The following DKK3 variants were observed in gnomAD, a reference collection of about 807,000 sequenced individuals.
DKK3 encodes the protein dickkopf-related protein 3.
In DKK3, 22 loss-of-function variants were observed where a neutral mutation model predicts 33.2. The ratio of observed to expected loss-of-function variants is 0.66; its 90% CI spans 0.47 to 0.95. The LOEUF (loss-of-function observed/expected upper bound fraction) is 0.95. Ranked by LOEUF, DKK3 falls within the 40% of genes least tolerant of loss-of-function variation. DKK3 has a pLI of 0.00. For missense variants in DKK3, 398 were observed against 458.4 expected, an observed-to-expected ratio of 0.87 and a Z score of 1.20; for synonymous variants, 194 against 188.8, an observed-to-expected ratio of 1.03 and a Z score of -0.23.
intron 2 of DKK3, among the ~76,000 whole-genome samples, chr11:12,000,950 T>C (rs1440316237): frequency 1.3e-5 from 2 of 152,236 alleles, no homozygotes; most frequent in Admixed American, 6.5e-5. Flanking sequence ...TGAACTTTCA[T>C]ATACTTTAGG....
At chr11:11,991,191 A>C (rs543918143) in intron 3 of DKK3, among the ~76,000 whole-genome samples, 1 of 152,226 alleles carries the variant, frequency 6.6e-6, no homozygotes, top group Non-Finnish European at 1.5e-5. Flanking sequence ...GCCCTCTGCC[A>C]AGGAGGGAGA....
chr11:11,994,384 C>T (rs1045837300), intron 3 of DKK3, among the ~76,000 whole-genome samples: 4 of 152,188 alleles, frequency 2.6e-5, no homozygotes, highest in Non-Finnish European at 2.9e-5. Flanking sequence ...ATGCAGGGCT[C>T]GAACCGAGGT....
intron 3 of DKK3, among the ~76,000 whole-genome samples, chr11:11,975,873 C>A (rs1207544823): frequency 2.0e-5 from 3 of 152,174 alleles, no homozygotes; most frequent in South Asian, 2.1e-4. Context: ...CAGGCTTTTG[C>A]GCCCACACCT....
At chr11:12,002,510 AATC>A (rs974192081) in intron 1 of DKK3, 73 bp from the exon 2 acceptor site, 23 of 1,543,504 alleles carry the variant, frequency 1.5e-5, no homozygotes, top group Non-Finnish European at 1.8e-5. Flanking sequence ...AGAAAAAAAA[AATC>A]TCTTTTCCTC....
At chr11:12,005,402 A>G (rs547721025) in intron 1 of DKK3, among the ~76,000 whole-genome samples, 3 of 152,334 alleles carry the variant, frequency 2.0e-5, no homozygotes, top group Admixed American at 6.5e-5. Context: ...TGGCACTTAT[A>G]CTAGAAATAG....
intron 3 of DKK3, among the ~76,000 whole-genome samples, chr11:11,969,065 C>G (rs1307713451): frequency 6.6e-6 from 1 of 152,264 alleles, no homozygotes; most frequent in East Asian, 1.9e-4. Flanking sequence ...GGCTGGACTC[C>G]AGCCCTCCCA....
At chr11:11,966,635 G>A (rs1178413285) in intron 5 of DKK3, among the ~76,000 whole-genome samples, 2 of 152,144 alleles carry the variant, frequency 1.3e-5, no homozygotes, top group Non-Finnish European at 1.5e-5. Context: ...AGTGGAAGCG[G>A]GTGATTCACA....
chr11:12,003,325 TCCTTGCAGAGGGAC>T (rs1848470019), intron 1 of DKK3, among the ~76,000 whole-genome samples: 1 of 152,090 alleles, frequency 6.6e-6, no homozygotes, highest in African/African-American at 2.4e-5. Flanking sequence ...TTGTAGGAAA[TCCTTGCAGAGGGAC>T]CCTTGTAGAG....
intron 6 of DKK3, 164 bp from the exon 7 acceptor site, chr11:11,964,850 A>G: frequency 7.2e-7 from 1 of 1,397,672 alleles, no homozygotes; most frequent in Non-Finnish European, 9.5e-7. Flanking sequence ...CTATCTTAAA[A>G]TGATGGCTGA....
chr11:11,969,653 T>A (rs17463794), intron 3 of DKK3, among the ~76,000 whole-genome samples: 2,891 of 130,430 alleles, frequency 0.022, 40 homozygotes, highest in Non-Finnish European at 0.034. Flanking sequence ...GGACCGGCTC[T>A]CCCCTCTGAC....
chr11:11,979,428 C>G (rs185427047), intron 3 of DKK3, among the ~76,000 whole-genome samples: 1 of 152,206 alleles, frequency 6.6e-6, no homozygotes, highest in Non-Finnish European at 1.5e-5. Flanking sequence ...CGGTCACAGG[C>G]GGGTAGCCAA....
chr11:11,969,281 C>A (rs1318441762), intron 3 of DKK3, among the ~76,000 whole-genome samples: 2 of 152,192 alleles, frequency 1.3e-5, no homozygotes, highest in Non-Finnish European at 2.9e-5. Context: ...CTCAGGCCTA[C>A]GAACCGGCAG....
intron 3 of DKK3, among the ~76,000 whole-genome samples, chr11:11,980,357 A>G (rs998198484): frequency 5.3e-5 from 8 of 152,232 alleles, no homozygotes; most frequent in African/African-American, 1.9e-4. Context: ...GGACTCTCAC[A>G]GACTGACCAA....
chr11:11,996,631 C>A (rs761061033), intron 3 of DKK3, among the ~76,000 whole-genome samples: 1 of 152,164 alleles, frequency 6.6e-6, no homozygotes, highest in Non-Finnish European at 1.5e-5. Context: ...GTTAATCAAA[C>A]GGGAATTTAG....
upstream of DKK3, chr11:12,009,108 C>T (rs932196780): frequency 3.0e-6 from 3 of 985,762 alleles, no homozygotes; most frequent in East Asian, 2.3e-4. Context: ...CCCCGCCCCA[C>T]ATCCACCAAG....
At chr11:11,971,916 G>A (rs772521578) in intron 3 of DKK3, among the ~76,000 whole-genome samples, 40 of 152,174 alleles carry the variant, frequency 2.6e-4, no homozygotes, top group Non-Finnish European at 5.3e-4. Flanking sequence ...TGGGGTATCA[G>A]CAAGGAGTGC....
At chr11:12,005,843 C>T (rs116127998) in intron 1 of DKK3, among the ~76,000 whole-genome samples, 1,526 of 152,226 alleles carry the variant, frequency 0.01, 26 homozygotes, top group African/African-American at 0.033. Context: ...TAACCACAGT[C>T]TATAAACAAT....
chr11:12,006,128 G>T (rs1021447549), intron 1 of DKK3, among the ~76,000 whole-genome samples: 13 of 152,130 alleles, frequency 8.5e-5, no homozygotes, highest in Admixed American at 2.0e-4. Context: ...GGCAGTCAGC[G>T]GATGGCCTGC....
intron 3 of DKK3, among the ~76,000 whole-genome samples, chr11:11,995,602 T>C (rs1234807204): frequency 1.3e-5 from 2 of 152,252 alleles, no homozygotes; most frequent in Admixed American, 6.5e-5. Flanking sequence ...CCTTGGCTAA[T>C]TGGGCCAGAC....
Sources: allele counts gnomAD v4.1 joint callset (sites outside exome capture counted in the v4.1 genomes callset), GRCh38; gene constraint gnomAD v4.1.1; transcripts MANE v1.5; gene names NCBI Gene and HGNC (gene_info 2026-07-23, HGNC 2026-07-21).